The following MAOA variants were observed in gnomAD, a reference collection of about 807,000 sequenced individuals.
MAOA encodes monoamine oxidase A.
In MAOA, 6 loss-of-function variants were observed where a neutral mutation model predicts 42.0. The observed-to-expected ratio is 0.14, with a 90% CI of 0.08 to 0.28. The LOEUF (loss-of-function observed/expected upper bound fraction) is 0.28, where lower values mean the gene tolerates loss of function less well. Ranked by LOEUF, MAOA falls within the 10% of genes least tolerant of loss-of-function variation. The probability of loss-of-function intolerance (pLI) is 1.00; values close to 1 mark genes in which losing one functional copy is unlikely to be tolerated. For missense variants in MAOA, 262 were observed against 422.3 expected (o/e 0.62, Z 3.33); for synonymous variants, 140 against 154.0 (o/e 0.91, Z 0.67).
intron 5 of MAOA, among the ~76,000 whole-genome samples, chrX:43,717,838 AG>A (rs2033756577): frequency 9.1e-6 from 1 of 109,443 alleles, no homozygotes; most frequent in African/African-American, 3.3e-5. Flanking sequence ...AATGAGCTAT[AG>A]AATTTGGGGA....
chrX:43,670,840 A>G (rs1178770025), intron 1 of MAOA, among the ~76,000 whole-genome samples: 6 of 108,498 alleles, frequency 5.5e-5, no homozygotes, highest in Admixed American at 9.8e-5. Flanking sequence ...CCAGTCTATC[A>G]TTGTTGGACA....
At chrX:43,712,115 G>C in intron 4 of MAOA, 139 bp downstream of exon 4, 1 of 514,926 alleles carries the variant, frequency 1.9e-6, no homozygotes, top group Admixed American at 2.9e-5. Flanking sequence ...TGCAAAGTTG[G>C]TCGTATTTCC....
At chrX:43,681,880 A>ATATATATT (rs1337382916) in intron 1 of MAOA, among the ~76,000 whole-genome samples, 2 of 87,585 alleles carry the variant, frequency 2.3e-5, no homozygotes, top group African/African-American at 8.5e-5. Context: ...ATATATATAT[A>ATATATATT]TTTTTTTTTT....
At chrX:43,679,603 TTCC>T (rs1347587580) in intron 1 of MAOA, among the ~76,000 whole-genome samples, 3 of 110,869 alleles carry the variant, frequency 2.7e-5, no homozygotes, top group Non-Finnish European at 5.7e-5. Context: ...TTGTTCAAAG[TTCC>T]CCACCGCTCC....
At chrX:43,670,684 G>A (rs1476561322) in intron 1 of MAOA, among the ~76,000 whole-genome samples, 16 of 100,264 alleles carry the variant, frequency 1.6e-4, no homozygotes, top group Non-Finnish European at 2.8e-4. Context: ...ACCTATGAGT[G>A]AGAACATGCG....
intron 3 of MAOA, among the ~76,000 whole-genome samples, chrX:43,693,937 G>A (rs2033557980): frequency 9.0e-6 from 1 of 111,594 alleles, no homozygotes; most frequent in South Asian, 3.8e-4. Context: ...TTCTTACCTG[G>A]CATTATTTGG....
chrX:43,708,811 T>C (rs1453341300), intron 3 of MAOA, among the ~76,000 whole-genome samples: 1 of 107,360 alleles, frequency 9.3e-6, no homozygotes, highest in Non-Finnish European at 1.9e-5. Flanking sequence ...TACAGGTGCC[T>C]GCCACCATGC....
chrX:43,712,643 G>T, intron 4 of MAOA, 62 bp from the exon 5 acceptor site: 1 of 730,848 alleles, frequency 1.4e-6, no homozygotes, highest in East Asian at 3.3e-5. Context: ...TTTCATGAGG[G>T]CCTTCCCGAG....
chrX:43,722,566 G>A (rs1424003448), intron 5 of MAOA, among the ~76,000 whole-genome samples: 7 of 111,506 alleles, frequency 6.3e-5, no homozygotes, highest in South Asian at 3.7e-4. Flanking sequence ...GTTTAGGTTC[G>A]TTGTAGATTC....
rs1240771735 is a variant in MAOA, at chrX:43,732,735, C to A, written c.992C>A (p.Ala331Asp). Residue 331 changes from alanine (A) to aspartate (D), a missense_variant, in exon 9 of 15, where the codon GCT becomes GAT. Transcript: ENST00000338702. ...CGCMIIEDED[A>D]PISITLDDTK... The stretch of plus-strand genomic sequence containing the variant: ...TGCATGATCATTGAAGATGAAGATG[C>A]TCCAATTTCAATAACCTTGGATGAC... The A allele has an allele frequency of 1.7e-6, 2 of 1,209,578 alleles. No individual in the cohort carries two copies. The highest frequency in any genetic ancestry group is 2.2e-6 in the Non-Finnish European group (2 of 893,651).
intron 1 of MAOA, among the ~76,000 whole-genome samples, chrX:43,661,130 C>A (rs2033230489): frequency 9.0e-6 from 1 of 111,703 alleles, no homozygotes; most frequent in East Asian, 2.8e-4. Flanking sequence ...TCTCTCAAAG[C>A]AACTCATTAC....
chrX:43,676,030 G>C (rs996240449), intron 1 of MAOA, among the ~76,000 whole-genome samples: 2 of 112,295 alleles, frequency 1.8e-5, no homozygotes, highest in Non-Finnish European at 3.8e-5. Flanking sequence ...TTGTTTGTCT[G>C]TGCCCTGCCC....
chrX:43,713,149 A>T (rs769076352), intron 5 of MAOA, among the ~76,000 whole-genome samples: 14 of 112,627 alleles, frequency 1.2e-4, no homozygotes, highest in African/African-American at 4.5e-4. Context: ...AATACTATGC[A>T]GCCATAAAAA....
chrX:43,715,365 C>G (rs2033734378), intron 5 of MAOA, among the ~76,000 whole-genome samples: 1 of 110,281 alleles, frequency 9.1e-6, no homozygotes, highest in Non-Finnish European at 1.9e-5. Flanking sequence ...GCAGGATATA[C>G]CTTCCAGGAA....
At chrX:43,743,357 C>CCACTGCAGTTCCTCCTGA (rs2033974881) in intron 12 of MAOA, among the ~76,000 whole-genome samples, 1 of 111,299 alleles carries the variant, frequency 9.0e-6, no homozygotes, top group Non-Finnish European at 1.9e-5. Context: ...TTCCCACCTG[C>CCACTGCAGTTCCTCCTGA]CACTGCAGTT....
At chrX:43,713,813 T>G (rs926763229) in intron 5 of MAOA, among the ~76,000 whole-genome samples, 6 of 111,668 alleles carry the variant, frequency 5.4e-5, no homozygotes, top group Non-Finnish European at 1.1e-4. Context: ...AACTAAGGAG[T>G]TAGTGCATCA....
intron 3 of MAOA, among the ~76,000 whole-genome samples, chrX:43,694,282 G>A (rs2033560452): frequency 9.0e-6 from 1 of 111,221 alleles, no homozygotes. Flanking sequence ...CTCCACCTCG[G>A]GCAATAACTG....
At chrX:43,668,015 G>C (rs145334910) in intron 1 of MAOA, among the ~76,000 whole-genome samples, 1,130 of 111,922 alleles carry the variant, frequency 0.01, 16 homozygotes, top group African/African-American at 0.035. Flanking sequence ...ATATGTAAGA[G>C]AGCTTGCTAG....
At chrX:43,702,708 T>A (rs969963264) in intron 3 of MAOA, among the ~76,000 whole-genome samples, 7 of 112,366 alleles carry the variant, frequency 6.2e-5, no homozygotes, top group African/African-American at 1.9e-4. Flanking sequence ...ACAAAAAGAA[T>A]GATTAGTAAA....
Sources: allele counts gnomAD v4.1 joint callset (sites outside exome capture counted in the v4.1 genomes callset), GRCh38; gene constraint gnomAD v4.1.1; transcripts MANE v1.5; gene names NCBI Gene and HGNC (gene_info 2026-07-23, HGNC 2026-07-21).